EBF2: variants seen among roughly 807,000 people sequenced by gnomAD.
EBF2 encodes transcription factor COE2.
In EBF2, 21 loss-of-function variants were observed where a neutral mutation model predicts 72.8. The ratio of observed to expected loss-of-function variants is 0.29; its 90% CI spans 0.20 to 0.42. EBF2 has a LOEUF of 0.42. EBF2 is among the 10% of genes least tolerant of loss of function. The pLI, the probability that EBF2 is intolerant of heterozygous loss-of-function variation, is 1.00. For missense variants in EBF2, 637 were observed against 731.2 expected, an observed-to-expected ratio of 0.87 and a Z score of 1.49; for synonymous variants, 299 against 274.2, an observed-to-expected ratio of 1.09 and a Z score of -0.89.
intron 5 of EBF2, among the ~76,000 whole-genome samples, chr8:26,038,711 TACTC>T (rs1805547252): frequency 6.6e-6 from 1 of 152,240 alleles, no homozygotes; most frequent in Non-Finnish European, 1.5e-5. Context: ...TCTATCTTCT[TACTC>T]CTCCCAATGC....
intron 6 of EBF2, among the ~76,000 whole-genome samples, chr8:25,972,755 G>A (rs554883566): frequency 2.1e-4 from 32 of 152,098 alleles, no homozygotes; most frequent in Admixed American, 7.9e-4. Flanking sequence ...GATGGTGGCC[G>A]AGTGGGCCAC....
chr8:26,036,165 G>A (rs1008363992), intron 5 of EBF2, among the ~76,000 whole-genome samples: 2 of 152,180 alleles, frequency 1.3e-5, no homozygotes, highest in Non-Finnish European at 2.9e-5. Flanking sequence ...ATGATTCTGA[G>A]GGGGCTGAGT....
chr8:25,995,548 A>G (rs1019916475), intron 6 of EBF2, among the ~76,000 whole-genome samples: 1 of 152,206 alleles, frequency 6.6e-6, no homozygotes, highest in African/African-American at 2.4e-5. Context: ...GCTATTTAAA[A>G]GAACACTCAG....
chr8:25,954,819 G>GTGCT (rs1239892266), intron 6 of EBF2, among the ~76,000 whole-genome samples: 1 of 152,210 alleles, frequency 6.6e-6, no homozygotes, highest in Admixed American at 6.5e-5. Flanking sequence ...GCACCCCGCA[G>GTGCT]TGCTGGAGGA....
At chr8:25,959,884 C>G (rs1262228919) in intron 6 of EBF2, among the ~76,000 whole-genome samples, 1 of 152,174 alleles carries the variant, frequency 6.6e-6, no homozygotes, top group African/African-American at 2.4e-5. Flanking sequence ...ATCCCAAATA[C>G]TTAAAGGACT....
At chr8:26,008,213 T>TA (rs1804914222) in intron 6 of EBF2, among the ~76,000 whole-genome samples, 1 of 152,166 alleles carries the variant, frequency 6.6e-6, no homozygotes, top group Non-Finnish European at 1.5e-5. Flanking sequence ...CGGCTATAAG[T>TA]ACAAGGCTAG....
At chr8:25,862,302 T>C (rs2117263520) in intron 11 of EBF2, among the ~76,000 whole-genome samples, 1 of 152,310 alleles carries the variant, frequency 6.6e-6, no homozygotes, top group African/African-American at 2.4e-5. Flanking sequence ...TTTCTCCTCA[T>C]TAGATACCTA....
At chr8:25,897,398 T>G (rs1479780266) in intron 7 of EBF2, among the ~76,000 whole-genome samples, 1 of 152,176 alleles carries the variant, frequency 6.6e-6, no homozygotes, top group African/African-American at 2.4e-5. Flanking sequence ...GGAGTATACA[T>G]GCAGGTTTAT....
At chr8:25,950,968 C>A (rs1271731013) in intron 6 of EBF2, among the ~76,000 whole-genome samples, 8 of 152,056 alleles carry the variant, frequency 5.3e-5, no homozygotes, top group Admixed American at 5.2e-4. Flanking sequence ...GCTGATACCC[C>A]AGCCAAGGAC....
At chr8:25,876,148 G>A (rs973372077) in intron 10 of EBF2, among the ~76,000 whole-genome samples, 7 of 152,110 alleles carry the variant, frequency 4.6e-5, no homozygotes, top group Non-Finnish European at 8.8e-5. Flanking sequence ...TATGCTCAGC[G>A]AACTAACATG....
chr8:25,943,864 C>G (rs940928049), intron 6 of EBF2, among the ~76,000 whole-genome samples: 1 of 152,056 alleles, frequency 6.6e-6, no homozygotes, highest in Non-Finnish European at 1.5e-5. Flanking sequence ...TACATAGAGC[C>G]GAATAAGATA....
chr8:25,886,522 T>C (rs1290612835), intron 10 of EBF2, among the ~76,000 whole-genome samples: 1 of 152,236 alleles, frequency 6.6e-6, no homozygotes, highest in Non-Finnish European at 1.5e-5. Context: ...TTCAGAGATG[T>C]GTTCCTGAAA....
At chr8:26,005,276 T>TTATATAAATTATATA (rs1373928006) in intron 6 of EBF2, among the ~76,000 whole-genome samples, 1 of 666 alleles carries the variant, frequency 1.5e-3, no homozygotes, top group African/African-American at 4.4e-3. Flanking sequence ...ATAATATATA[T>TTATATAAATTATATA]AATTATATAA....
At chr8:25,853,839 GA>G (rs33990807) in intron 14 of EBF2, among the ~76,000 whole-genome samples, 62,964 of 150,662 alleles carry the variant, frequency 0.42, 15,731 homozygotes, top group African/African-American at 0.7. Context: ...CTCTTCAGAT[GA>G]AAAAAAAACA....
chr8:25,868,048 G>C (rs1412172874), intron 10 of EBF2, among the ~76,000 whole-genome samples: 1 of 152,142 alleles, frequency 6.6e-6, no homozygotes, highest in Admixed American at 6.5e-5. Flanking sequence ...AACCTATCTG[G>C]ATTTTATTTC....
chr8:25,920,585 C>T lies in EBF2; in HGVS notation c.552-12030G>A, dbSNP rs116190592. On this transcript the variant is annotated intron_variant, in intron 6 of 15. Coordinates refer to ENST00000520164, the MANE Select transcript of EBF2 (RefSeq NM_022659.4). ...AGGTGGAGAGAAAGCGATTGTGACC[C>T]ACGCAGAGTTAGTTAGCTTTTGAGT... 3.8e-3 allele frequency among the ~76,000 whole-genome samples: 572 copies of T among 152,300 alleles called. 11 individuals carry two copies. The highest frequency in any genetic ancestry group is 0.013 in the African/African-American group (545 of 41,550).
At chr8:25,939,027 C>G (rs1803626334) in intron 6 of EBF2, among the ~76,000 whole-genome samples, 1 of 152,144 alleles carries the variant, frequency 6.6e-6, no homozygotes, top group African/African-American at 2.4e-5. Flanking sequence ...TCTCCCTTTT[C>G]CCTGTTGTTC....
intron 13 of EBF2, among the ~76,000 whole-genome samples, chr8:25,858,722 C>T (rs190353476): frequency 2.1e-5 from 3 of 143,428 alleles, no homozygotes; most frequent in East Asian, 2.1e-4. Context: ...TACAGTGGCA[C>T]GATCTTGGCT....
intron 6 of EBF2, among the ~76,000 whole-genome samples, chr8:25,924,827 T>G (rs1803360034): frequency 1.3e-5 from 2 of 152,218 alleles, no homozygotes; most frequent in African/African-American, 4.8e-5. Flanking sequence ...AGTCCAGCTA[T>G]TTCTGTACCT....
Sources: allele counts gnomAD v4.1 joint callset (sites outside exome capture counted in the v4.1 genomes callset), GRCh38; gene constraint gnomAD v4.1.1; transcripts MANE v1.5; gene names NCBI Gene and HGNC (gene_info 2026-07-23, HGNC 2026-07-21).